The following OAS3 variants were observed in gnomAD, a reference collection of about 807,000 sequenced individuals.
The protein encoded by OAS3 is 2'-5'-oligoadenylate synthetase 3, also known as 2'-5'-oligoadenylate synthase 3.
Under a neutral mutation model 113.0 loss-of-function variants are expected in OAS3, and 107 were observed. The observed-to-expected ratio is 0.95, with a 90% confidence interval of 0.81 to 1.11. The LOEUF is 1.11. Ranked by LOEUF, OAS3 falls within the 50% of genes most tolerant of loss-of-function variation. The pLI is 0.00. For missense variants in OAS3, 1,258 were observed against 1,389.1 expected, an observed-to-expected ratio of 0.91 and a Z score of 1.50; for synonymous variants, 552 against 573.6, an observed-to-expected ratio of 0.96 and a Z score of 0.54.
At chr12:112,942,122 C>T (rs1046490343) in intron 2 of OAS3, 67 of 593,258 alleles carry the variant, frequency 1.1e-4, no homozygotes, top group Admixed American at 5.6e-4. Context: ...CTGCCTGGAG[C>T]GGTTACTGCT....
intron 7 of OAS3, among the ~76,000 whole-genome samples, chr12:112,956,433 T>C (rs1396827721): frequency 1.3e-5 from 2 of 152,204 alleles, no homozygotes; most frequent in Admixed American, 6.5e-5. Context: ...GATGTTAGGG[T>C]GTCAATTTTA....
intron 13 of OAS3, 130 bp from the exon 14 acceptor site, chr12:112,967,806 A>C: frequency 8.6e-7 from 1 of 1,161,744 alleles, no homozygotes; most frequent in African/African-American, 1.6e-5. Context: ...GGGATAATGC[A>C]TGGCAAGGCA....
chr12:112,938,933 A>G (rs1016712675), intron 1 of OAS3, among the ~76,000 whole-genome samples: 2 of 152,212 alleles, frequency 1.3e-5, no homozygotes, highest in Non-Finnish European at 2.9e-5. Context: ...AGGCACAGAG[A>G]GGTACAGTGA....
chr12:112,945,626 G>A (rs11066456), intron 3 of OAS3, among the ~76,000 whole-genome samples: 35,576 of 152,104 alleles, frequency 0.23, 4,219 homozygotes, highest in Admixed American at 0.31. Flanking sequence ...GTCATCATAA[G>A]CAGGTCTCTC....
At chr12:112,941,881 T>C in intron 2 of OAS3, 29 bp downstream of exon 2, 1 of 1,613,900 alleles carries the variant, frequency 6.2e-7, no homozygotes, top group Non-Finnish European at 8.5e-7. Context: ...ATTCCAGGGT[T>C]GGGGGCAAAA....
chr12:112,969,645 C>G lies in OAS3; in HGVS notation c.3142C>G (p.Leu1048Val). ...ILDPADPTGN[L>V]GHNARWDLLA... ...GGATCCGGCTGACCCGACAGGCAACCTGGGCCACAATGCCCGCTGGGACCT... is the reference window on the plus strand; with the variant it reads ...GGATCCGGCTGACCCGACAGGCAACGTGGGCCACAATGCCCGCTGGGACCT... Residue 1048 changes from leucine (L) to valine (V), a missense_variant, in exon 15 of 16, where the codon CTG becomes GTG. Coordinates refer to ENST00000228928, the MANE Select transcript of OAS3 (RefSeq NM_006187.4). 1 of 1,606,826 alleles carries G rather than the reference C, an allele frequency of 6.2e-7. No individual in the cohort carries two copies. Among genetic ancestry groups the G allele is most frequent in the Non-Finnish European group, 8.5e-7 (1 of 1,176,684 alleles).
intron 2 of OAS3, chr12:112,942,135 G>A (rs1464262767): frequency 1.6e-5 from 9 of 575,410 alleles, no homozygotes; most frequent in African/African-American, 1.3e-4. Flanking sequence ...TTACTGCTCA[G>A]CCCTTCCACA....
In OAS3 at chr12:112,941,785, C is replaced by T. The variant is rs1055619272; in HGVS notation, c.393C>T (p.Phe131=). The T allele has an allele frequency of 6.2e-7, 1 of 1,614,012 alleles. No homozygotes were observed. Among genetic ancestry groups the T allele is most frequent in the Admixed American group, 1.7e-5 (1 of 60,014 alleles). The change falls in exon 2 of 16, where the codon TTC becomes TTT. Residue 131 remains phenylalanine (F), a synonymous_variant. Coordinates refer to ENST00000228928, the MANE Select transcript of OAS3 (RefSeq NM_006187.4). ...PEQSVPGALQ[F]RLTSVDLEDW... ...AGAGCGTGCCTGGGGCCCTGCAGTT[C>T]CGCCTGACATCCGTAGATCTTGAGG...
At chr12:112,942,123 G>C in intron 2 of OAS3, 1 of 592,364 alleles carries the variant, frequency 1.7e-6, no homozygotes, top group Non-Finnish European at 3.0e-6. Flanking sequence ...TGCCTGGAGC[G>C]GTTACTGCTC....
chr12:112,966,579 C>T (rs2043936122), intron 12 of OAS3, among the ~76,000 whole-genome samples: 1 of 152,136 alleles, frequency 6.6e-6, no homozygotes, highest in African/African-American at 2.4e-5. Flanking sequence ...TGAGAAATTC[C>T]CTTGTATCCG....
In OAS3 at chr12:112,959,362, CAGTGAGAGG is replaced by C. The variant is rs539389271; in HGVS notation, c.1658-1698_1658-1690del. The stretch of plus-strand genomic sequence containing the variant: ...GTTGTACCCACTGTCCAACAAGCCA[CAGTGAGAGG>C]AGTGAGAGGAACCCAGTACCTCAGT... On this transcript the variant is annotated intron_variant, in intron 7 of 15. Coordinates refer to ENST00000228928, the MANE Select transcript of OAS3 (RefSeq NM_006187.4). Among the ~76,000 whole-genome samples the C allele has an allele frequency of 1.7e-4, 26 of 151,678 alleles. No individual in the cohort carries two copies. The East Asian group carries it at 4.8e-3, about 28-fold the overall frequency.
chr12:112,961,527 GT>G (rs1176064834), intron 8 of OAS3, among the ~76,000 whole-genome samples: 1 of 152,048 alleles, frequency 6.6e-6, no homozygotes, highest in African/African-American at 2.4e-5. Context: ...TGTTTTCTCT[GT>G]TTTTCCCCCA....
chr12:112,956,068 C>T (rs553330670), intron 7 of OAS3, among the ~76,000 whole-genome samples: 1 of 151,994 alleles, frequency 6.6e-6, no homozygotes, highest in African/African-American at 2.4e-5. Flanking sequence ...GTCTTGGGAG[C>T]GTGTCTGTGT....
chr12:112,951,218 A>G (rs1161171484), intron 7 of OAS3, among the ~76,000 whole-genome samples: 4 of 152,204 alleles, frequency 2.6e-5, no homozygotes, highest in East Asian at 3.8e-4. Context: ...TCACACACCC[A>G]TGTAGCCCAA....
At chr12:112,943,666 G>A (rs1231347683) in intron 2 of OAS3, among the ~76,000 whole-genome samples, 1 of 152,092 alleles carries the variant, frequency 6.6e-6, no homozygotes, top group African/African-American at 2.4e-5. Context: ...GGTTGTGGTG[G>A]GGATACATGT....
Position 112,950,990 on chromosome 12 carries a change from C to T in OAS3, c.1657+15C>T. ...CGATGCTGTGGGTGAGGGCGCCCAG[C>T]CTGTCCCTTGGAGAGTGATAGGGAC... is the stretch of plus-strand genomic sequence containing the variant. On this transcript the variant is annotated intron_variant, in intron 7 of 15. Transcript: ENST00000228928. 2 of 1,609,270 alleles carry T rather than the reference C, an allele frequency of 1.2e-6. No homozygotes were observed. The highest frequency in any genetic ancestry group is 1.7e-6 in the Non-Finnish European group (2 of 1,177,706).
chr12:112,967,492 G>A lies in OAS3; in HGVS notation c.2764G>A (p.Glu922Lys), dbSNP rs1395194498. The change falls in exon 13 of 16, where the codon GAG (glutamate) becomes AAG (lysine). Residue 922 changes from glutamate (E) to lysine (K), a missense_variant. Glu to Lys is a moderately conservative substitution (Grantham distance 56). Transcript: ENST00000228928. Reference protein sequence around the residue: ...DLIHSYSNAGEYSTCFTELQR... With the variant: ...DLIHSYSNAGKYSTCFTELQR... ...CATCCACAGCTACAGCAATGCGGGC[G>A]AGTACTCCACCTGCTTCACAGAGCT... The A allele has an allele frequency of 8.7e-6, 14 of 1,613,562 alleles. No homozygotes were observed. The highest frequency in any genetic ancestry group is 4.5e-5 in the East Asian group (2 of 44,880).
rs1239838700 is a variant in OAS3 at position 112,970,097 on chromosome 12, T to A, written c.*124T>A. On this transcript the variant is annotated 3_prime_UTR_variant, in exon 16 of 16. Coordinates refer to ENST00000228928, the MANE Select transcript of OAS3 (RefSeq NM_006187.4). Reference sequence around the variant, plus strand: ...GTACATGTGTGTGTGAGCACATGTGTGCATGTGTGTGCACACGTGTGCATG... The same window carrying A: ...GTACATGTGTGTGTGAGCACATGTGAGCATGTGTGTGCACACGTGTGCATG... 2.8e-6 allele frequency: 3 copies of A among 1,086,238 alleles called. No homozygotes were observed. The highest frequency in any genetic ancestry group is 4.1e-6 in the Non-Finnish European group (3 of 723,344). 67.3% of individuals were successfully genotyped at this position (1,086,238 alleles called of 1,614,324 possible).
rs755843173 is a variant in OAS3 at position 112,962,893 on chromosome 12, G to A, written c.2075G>A (p.Arg692Gln). Residue 692 changes from arginine (R) to glutamine (Q), a missense_variant, in exon 9 of 16, where the codon CGA becomes CAA. Physicochemically the swap from Arg to Gln is conservative, Grantham distance 43 (BLOSUM62 1). Coordinates refer to ENST00000228928, the MANE Select transcript of OAS3 (RefSeq NM_006187.4). ...AGAATGCACCTTCTTGGCCAGCTTC[G>A]AAAACCCAGGTGAAGACCCGCTTCC... ...AMRMHLLGQL[R>Q]KPRPLVLDPA... is the part of the protein sequence containing the mutation. 16 of 1,613,404 alleles carry A rather than the reference G, an allele frequency of 9.9e-6. No individual in the cohort carries two copies. The highest frequency in any genetic ancestry group is 5.5e-5 in the South Asian group (5 of 91,048).
Sources: allele counts gnomAD v4.1 joint callset (sites outside exome capture counted in the v4.1 genomes callset), GRCh38; gene constraint gnomAD v4.1.1; transcripts MANE v1.5; gene names NCBI Gene and HGNC (gene_info 2026-07-23, HGNC 2026-07-21).